GATM: variants seen among roughly 807,000 people sequenced by gnomAD.
GATM encodes the protein glycine amidinotransferase, also known as glycine amidinotransferase, mitochondrial.
A neutral mutation model predicts 54.2 loss-of-function variants in GATM; 23 were observed. The observed-to-expected ratio is 0.42, with a 90% CI of 0.31 to 0.60. GATM has a LOEUF of 0.60. Among genes scored for constraint, GATM ranks in the 20% least tolerant of loss-of-function variants. The pLI is 0.14. For missense variants in GATM, 401 were observed against 544.9 expected, an observed-to-expected ratio of 0.74 and a Z score of 2.63; for synonymous variants, 168 against 183.1, an observed-to-expected ratio of 0.92 and a Z score of 0.67.
chr15:45,378,001 T>C, intron 1 of GATM: 1 of 182,322 alleles, frequency 5.5e-6, no homozygotes, highest in Non-Finnish European at 1.1e-5. Flanking sequence ...CGCCACCCTT[T>C]TACTAAGAGG....
intron 2 of GATM, among the ~76,000 whole-genome samples, chr15:45,375,986 G>A (rs1889625504): frequency 6.6e-6 from 1 of 152,176 alleles, no homozygotes; most frequent in Non-Finnish European, 1.5e-5. Flanking sequence ...GCAAAGCAGA[G>A]GAATGAGGCA....
In GATM at chr15:45,366,168, C is replaced by T; in HGVS notation, c.856G>A (p.Ala286Thr). ...ATGATATGCACTCTGTAGTCTGGAGCAAGATGCCTACGCATCCATTCAATG... is the reference window on the plus strand; with the variant it reads ...ATGATATGCACTCTGTAGTCTGGAGTAAGATGCCTACGCATCCATTCAATG... ...LGIEWMRRHL[A>T]PDYRVHIISF... Residue 286 changes from alanine (A) to threonine (T), a missense_variant, in exon 6 of 9, where the codon GCT becomes ACT. This residue lies in a region of GATM where 321 missense variants were observed against 457.5 expected (regional missense o/e 0.70). Transcript: ENST00000396659. 1 of 1,614,074 alleles carries T rather than the reference C, an allele frequency of 6.2e-7. No homozygotes were observed. The highest frequency in any genetic ancestry group is 8.5e-7 in the Non-Finnish European group (1 of 1,179,978).
At position 45,368,208 on chromosome 15, in the gene GATM, A is replaced by G; in HGVS notation, c.537T>C (p.Ile179=). 6.2e-7 allele frequency: 1 copy of G among 1,614,138 alleles called. No individual in the cohort carries two copies. Among genetic ancestry groups the G allele is most frequent in the Non-Finnish European group, 8.5e-7 (1 of 1,180,036 alleles). Residue 179 remains isoleucine, a synonymous_variant, in exon 4 of 9, where the codon ATT becomes ATC. Coordinates refer to ENST00000396659, the MANE Select transcript of GATM (RefSeq NM_001482.3). This position sits in a 1 kb window ranked among gnomAD's most constrained non-coding sequence, Gnocchi z 5.1. ...RDILIVVGNE[I]IEAPMAWRSR... Reference sequence around the variant, plus strand: ...AACGCCATGCCATGGGAGCCTCGATAATCTCATTGCCCACAACTATCAGGA... The same window carrying G: ...AACGCCATGCCATGGGAGCCTCGATGATCTCATTGCCCACAACTATCAGGA...
chr15:45,364,201 C>T (rs1167592402), intron 7 of GATM, 185 bp from the exon 8 acceptor site: 1 of 598,780 alleles, frequency 1.7e-6, no homozygotes, highest in Non-Finnish European at 3.0e-6. Context: ...ACTCATTATA[C>T]ATTTGAATTT....
chr15:45,378,410 TCGGCGCCG>T lies in GATM; in HGVS notation c.36_43del (p.Ala14GlyfsTer37), dbSNP rs1889681265. 6.6e-7 allele frequency: 1 copy of T among 1,504,484 alleles called. No homozygotes were observed. The highest frequency in any genetic ancestry group is 1.5e-5 in the African/African-American group (1 of 68,930). 93.2% of individuals were successfully genotyped at this position (1,504,484 alleles called of 1,614,324 possible). A position where few individuals can be genotyped will look rare whatever the true frequency, so the allele number is the denominator to read the frequency against. On this transcript the variant is annotated frameshift_variant, in exon 1 of 9. Coordinates refer to ENST00000396659, the MANE Select transcript of GATM (RefSeq NM_001482.3). LOFTEE classifies it high-confidence loss of function. The stretch of plus-strand genomic sequence containing the variant: ...CCGAGATCCGATGTAGTGCACCGCC[TCGGCGCCG>T]CGGCTCCCGCCGCGCAGACACCGCA...
chr15:45,364,042 C>G lies in GATM; in HGVS notation c.1043-26G>C, dbSNP rs370044000. ...CTAAAAACAGCAACAACTGTTAAACCATGTCCGCTATCATTTTTGTTTAAA... is the reference window on the plus strand; with the variant it reads ...CTAAAAACAGCAACAACTGTTAAACGATGTCCGCTATCATTTTTGTTTAAA... On this transcript the variant is annotated intron_variant, in intron 7 of 8. Coordinates refer to ENST00000396659, the MANE Select transcript of GATM (RefSeq NM_001482.3). 5 of 1,284,470 alleles carry G rather than the reference C, an allele frequency of 3.9e-6. No individual in the cohort carries two copies. In the African/African-American group the frequency reaches 7.3e-5, roughly 19 times the overall value. The allele number at this position is 1,284,470 out of a possible 1,614,324, so 79.6% of individuals were successfully genotyped here.
At chr15:45,385,907 T>C (rs1186875698) in intron 3 of GATM, among the ~76,000 whole-genome samples, 12 of 152,250 alleles carry the variant, frequency 7.9e-5, no homozygotes, top group African/African-American at 2.7e-4. Context: ...CCTAGCCAGA[T>C]TGTCTTTGTC....
chr15:45,376,512 G>T, intron 2 of GATM, 89 bp downstream of exon 2: 1 of 1,067,902 alleles, frequency 9.4e-7, no homozygotes, highest in Non-Finnish European at 1.5e-6. Flanking sequence ...GAGAGGTCTG[G>T]GAGTAAGCTG....
In GATM at chr15:45,366,099, T is replaced by C. The variant is rs1889444124; in HGVS notation, c.925A>G (p.Asn309Asp). The change falls in exon 6 of 9, where the codon AAC (asparagine) becomes GAC (aspartate). Residue 309 changes from asparagine to aspartate, a missense_variant. Asn to Asp is a conservative substitution (Grantham distance 23). Coordinates refer to ENST00000396659, the MANE Select transcript of GATM (RefSeq NM_001482.3). ...PNPMHIDATF[N>D]IIGPGIVLSN... ...AGCACAATACCAGGTCCAATGATGT[T>C]GAAGGTAGCATCAATATGCATGGGA... is the stretch of plus-strand genomic sequence containing the variant. 6.2e-7 allele frequency: 1 copy of C among 1,614,110 alleles called. No homozygotes were observed. The highest frequency in any genetic ancestry group is 8.5e-7 in the Non-Finnish European group (1 of 1,180,002).
intron 1 of GATM, chr15:45,377,516 T>C (rs565323136): frequency 7.0e-5 from 23 of 329,424 alleles, no homozygotes; most frequent in South Asian, 5.8e-4. Context: ...TCTAAAAACT[T>C]CAAAAGCCTT....
chr15:45,377,460 A>G, intron 1 of GATM: 1 of 356,658 alleles, frequency 2.8e-6, no homozygotes, highest in Non-Finnish European at 5.4e-6. Flanking sequence ...ACCCTAGCCA[A>G]GGTCAGGATT....
chr15:45,382,062 C>T (rs1889748157), upstream of GATM, among the ~76,000 whole-genome samples: 1 of 152,152 alleles, frequency 6.6e-6, no homozygotes, highest in African/African-American at 2.4e-5. Context: ...ACTGCATTTG[C>T]AGGGTGTGAT....
rs1889818328 is a variant in GATM at position 45,387,618 on chromosome 15, G to A, written c.-319+9304C>T. Among the ~76,000 whole-genome samples the A allele has an allele frequency of 2.6e-5, 4 of 152,304 alleles. No homozygotes were observed. The South Asian group carries it at 8.3e-4, about 32-fold the overall frequency. Reference sequence around the variant, plus strand: ...AGACCTCTGGAGAGCAAGGGCTACAGCTCCTGTTGTACTTAGCACAGTGAT... The same window carrying A: ...AGACCTCTGGAGAGCAAGGGCTACAACTCCTGTTGTACTTAGCACAGTGAT... On this transcript the variant is annotated intron_variant, in intron 3 of 4. Coordinates refer to the GATM transcript ENST00000561148.
At chr15:45,397,898 G>A (rs534379419) in intron 2 of GATM, among the ~76,000 whole-genome samples, 17 of 152,174 alleles carry the variant, frequency 1.1e-4, no homozygotes, top group Non-Finnish European at 2.4e-4. Context: ...GTATCTGTGG[G>A]AGAATTTGCT....
At chr15:45,395,465 C>T (rs769742439) in intron 3 of GATM, among the ~76,000 whole-genome samples, 22 of 152,132 alleles carry the variant, frequency 1.4e-4, no homozygotes, top group Admixed American at 5.2e-4. Flanking sequence ...TTTTGCTCAA[C>T]GCTGGGATGG....
intron 8 of GATM, chr15:45,363,556 C>T (rs934889243): frequency 5.2e-6 from 2 of 386,602 alleles, no homozygotes; most frequent in African/African-American, 2.1e-5. Context: ...TTTAAAGGAC[C>T]CACAATGATT....
chr15:45,383,038 C>T (rs1889760923), upstream of GATM, among the ~76,000 whole-genome samples: 1 of 152,124 alleles, frequency 6.6e-6, no homozygotes, highest in Non-Finnish European at 1.5e-5. Flanking sequence ...GCTGTTGGCT[C>T]CTTAAGGACA....
At chr15:45,400,108 G>C (rs1477774189) in intron 1 of GATM, among the ~76,000 whole-genome samples, 1 of 152,190 alleles carries the variant, frequency 6.6e-6, no homozygotes, top group Non-Finnish European at 1.5e-5. Flanking sequence ...TGTAATCCCA[G>C]CTACTTGGGA....
chr15:45,394,009 A>G (rs1054759296), intron 3 of GATM, among the ~76,000 whole-genome samples: 14 of 152,194 alleles, frequency 9.2e-5, no homozygotes, highest in South Asian at 2.1e-4. Flanking sequence ...AGGTAGAATG[A>G]AAGATCAAAG....
Sources: allele counts gnomAD v4.1 joint callset (sites outside exome capture counted in the v4.1 genomes callset), GRCh38; gene constraint gnomAD v4.1.1; regional missense constraint gnomAD v4.1.1; non-coding constraint Gnocchi (gnomAD v3.1); transcripts MANE v1.5; gene names NCBI Gene and HGNC (gene_info 2026-07-23, HGNC 2026-07-21).